Variants in TRPM3 observed in about 807,000 individuals in gnomAD.
TRPM3 encodes long transient receptor potential channel 3.
TRPM3 carries 77 observed loss-of-function variants against 181.2 expected under a neutral mutation model. The ratio of observed to expected loss-of-function variants is 0.42; its 90% confidence interval spans 0.35 to 0.51. TRPM3 has a LOEUF of 0.51. Among genes scored for constraint, TRPM3 ranks in the 20% least tolerant of loss-of-function variants. The pLI, the probability that TRPM3 is intolerant of heterozygous loss-of-function variation, is 0.01. For synonymous variants in TRPM3, 745 were observed against 796.4 expected (o/e 0.94, Z 1.09); for missense variants, 1,759 against 2,196.7 (o/e 0.80, Z 3.98).
At chr9:70,741,270 T>C (rs2074033215) in intron 8 of TRPM3, among the ~76,000 whole-genome samples, 2 of 152,282 alleles carry the variant, frequency 1.3e-5, no homozygotes, top group Non-Finnish European at 2.9e-5. Flanking sequence ...AATACCACCT[T>C]ACTCCTGCCA....
chr9:71,420,747 AAGAGAG>A (rs1211935884), intron 1 of TRPM3, among the ~76,000 whole-genome samples: 1 of 83,904 alleles, frequency 1.2e-5, no homozygotes, highest in African/African-American at 5.4e-5. Flanking sequence ...AAGAGAGAGA[AAGAGAG>A]AGAAAGAGAG....
chr9:71,366,764 G>A (rs894378151), intron 1 of TRPM3, among the ~76,000 whole-genome samples: 3 of 151,962 alleles, frequency 2.0e-5, no homozygotes, highest in Non-Finnish European at 4.4e-5. Flanking sequence ...TTTCAATGCA[G>A]ATTACTATTT....
chr9:71,072,313 T>C (rs2062873133), intron 1 of TRPM3, among the ~76,000 whole-genome samples: 1 of 152,188 alleles, frequency 6.6e-6, no homozygotes, highest in Non-Finnish European at 1.5e-5. Flanking sequence ...TAGTTAAACC[T>C]ATCATTATTT....
At chr9:71,331,452 C>A (rs996045436) in intron 1 of TRPM3, among the ~76,000 whole-genome samples, 2 of 151,732 alleles carry the variant, frequency 1.3e-5, no homozygotes, top group African/African-American at 2.4e-5. Context: ...GACATAGTTG[C>A]CTCATTTCTC....
chr9:70,644,618 G>T (rs183878948), intron 9 of TRPM3, among the ~76,000 whole-genome samples: 2 of 152,228 alleles, frequency 1.3e-5, no homozygotes, highest in East Asian at 1.9e-4. Flanking sequence ...ATGGGCAAAA[G>T]CTGGAAGTAT....
chr9:71,316,689 G>C (rs1228217944), intron 1 of TRPM3, among the ~76,000 whole-genome samples: 1 of 152,138 alleles, frequency 6.6e-6, no homozygotes, highest in African/African-American at 2.4e-5. Context: ...AGAGCCTGCA[G>C]AAGGGAACAT....
chr9:71,008,166 A>G (rs1444313927), intron 1 of TRPM3, among the ~76,000 whole-genome samples: 1 of 152,090 alleles, frequency 6.6e-6, no homozygotes, highest in Non-Finnish European at 1.5e-5. Context: ...TGGAAAATCC[A>G]AAAGAAACTT....
intron 1 of TRPM3, among the ~76,000 whole-genome samples, chr9:70,908,260 T>C (rs1364898914): frequency 6.6e-6 from 1 of 152,236 alleles, no homozygotes; most frequent in African/African-American, 2.4e-5. Context: ...TCAGTGTTCA[T>C]GGTGACTTTA....
rs185639824 is a variant in TRPM3, at chr9:70,758,007, G to C, written c.1272+3594C>G. ...CAATTGGGCAAGAGAAAGAAATAAA[G>C]CGTATTCAAATAGGAAGAGAGGAAG... On this transcript the variant is annotated intron_variant, in intron 8 of 25. Coordinates refer to ENST00000677713, the MANE Select transcript of TRPM3 (RefSeq NM_001366145.2). Among the ~76,000 whole-genome samples the C allele has an allele frequency of 2.0e-5, 3 of 152,260 alleles. 1 individual carries two copies. Among genetic ancestry groups the C allele is most frequent in the Admixed American group, 2.0e-4 (3 of 15,284 alleles).
chr9:70,942,318 G>A (rs1365276215), intron 1 of TRPM3, among the ~76,000 whole-genome samples: 1 of 152,136 alleles, frequency 6.6e-6, no homozygotes, highest in African/African-American at 2.4e-5. Context: ...AATCTTTCAG[G>A]TGCAGCATGG....
At chr9:71,417,719 T>C (rs999365175) in intron 1 of TRPM3, among the ~76,000 whole-genome samples, 47 of 152,044 alleles carry the variant, frequency 3.1e-4, no homozygotes, top group South Asian at 4.1e-4. Context: ...TCTTTTATTA[T>C]TTCACATAGA....
intron 6 of TRPM3, among the ~76,000 whole-genome samples, chr9:70,822,525 G>A (rs867895688): frequency 1.1e-4 from 17 of 152,036 alleles, no homozygotes; most frequent in African/African-American, 3.9e-4. Flanking sequence ...TAGAAGAGTG[G>A]CCACTAGGGG....
At chr9:70,563,755 A>G (rs542344868) in intron 22 of TRPM3, among the ~76,000 whole-genome samples, 41 of 152,292 alleles carry the variant, frequency 2.7e-4, no homozygotes, top group African/African-American at 9.4e-4. Flanking sequence ...AGAAAGAGAG[A>G]AATGATTGAT....
intron 1 of TRPM3, among the ~76,000 whole-genome samples, chr9:71,156,399 ACACACACACACACACACACAC>A (rs1465103820): frequency 6.8e-6 from 1 of 147,388 alleles, no homozygotes; most frequent in Non-Finnish European, 1.5e-5. Context: ...ACACACACAC[ACACACACACACACACACACAC>A]AAGGCTTATC....
At chr9:71,187,949 AGATC>A (rs5898184) in intron 1 of TRPM3, among the ~76,000 whole-genome samples, 8,946 of 60,584 alleles carry the variant, frequency 0.15, 339 homozygotes, top group East Asian at 0.18. Context: ...ATAGATAGAT[AGATC>A]ATCGCATTTT....
intron 22 of TRPM3, among the ~76,000 whole-genome samples, chr9:70,572,114 T>TTGTGTGTGTGTGTGTGTGTGTG (rs58492210): frequency 7.6e-4 from 114 of 149,956 alleles, no homozygotes; most frequent in African/African-American, 2.7e-3. Flanking sequence ...TCCCAGTTAC[T>TTGTGTGTGTGTGTGTGTGTGTG]TGTGTGTGTG....
At chr9:71,348,139 T>C (rs772134060) in intron 1 of TRPM3, among the ~76,000 whole-genome samples, 2 of 152,218 alleles carry the variant, frequency 1.3e-5, no homozygotes, top group East Asian at 3.8e-4. Flanking sequence ...TTTTGCCCTA[T>C]TGAGAATTTA....
chr9:71,351,396 A>C (rs929422842), intron 1 of TRPM3, among the ~76,000 whole-genome samples: 1 of 152,224 alleles, frequency 6.6e-6, no homozygotes, highest in Admixed American at 6.5e-5. Flanking sequence ...TTCTGAAACA[A>C]TGATTCTATA....
intron 1 of TRPM3, among the ~76,000 whole-genome samples, chr9:71,399,646 A>G (rs1489318595): frequency 1.4e-5 from 2 of 147,526 alleles, no homozygotes; most frequent in Non-Finnish European, 3.0e-5. Flanking sequence ...ATCCTGCCTC[A>G]GCCTCCCAAG....
Sources: allele counts gnomAD v4.1 joint callset (sites outside exome capture counted in the v4.1 genomes callset), GRCh38; gene constraint gnomAD v4.1.1; transcripts MANE v1.5; gene names NCBI Gene and HGNC (gene_info 2026-07-23, HGNC 2026-07-21).